Variants in CUX2 observed in about 807,000 individuals in gnomAD.
CUX2 encodes homeobox protein cut-like 2.
A neutral mutation model predicts 144.8 loss-of-function variants in CUX2; 40 were observed. The observed-to-expected ratio is 0.28, with a 90% CI of 0.21 to 0.36. The LOEUF is 0.36. Ranked by LOEUF, CUX2 falls within the 10% of genes least tolerant of loss-of-function variation. The pLI, the probability that CUX2 is intolerant of heterozygous loss-of-function variation, is 1.00. For missense variants in CUX2, 1,615 were observed against 1,994.0 expected, an observed-to-expected ratio of 0.81 and a Z score of 3.62; for synonymous variants, 827 against 875.6, an observed-to-expected ratio of 0.94 and a Z score of 0.98.
At chr12:111,129,795 C>T (rs575634889) in intron 1 of CUX2, among the ~76,000 whole-genome samples, 3 of 152,246 alleles carry the variant, frequency 2.0e-5, no homozygotes, top group Non-Finnish European at 4.4e-5. Flanking sequence ...ATAGCACTCA[C>T]TCCACAGGTC....
At chr12:111,177,516 G>A (rs921972150) in intron 1 of CUX2, among the ~76,000 whole-genome samples, 5 of 152,096 alleles carry the variant, frequency 3.3e-5, no homozygotes, top group Non-Finnish European at 7.3e-5. Context: ...TCAGCCTCCC[G>A]AATAGCTGGG....
Position 111,042,142 on chromosome 12 carries a change from T to A in CUX2, c.63+7902T>A, listed in dbSNP as rs185105916. 2.6e-5 allele frequency among the ~76,000 whole-genome samples: 4 copies of A among 152,342 alleles called. No homozygotes were observed. The East Asian group carries it at 7.7e-4, about 29-fold the overall frequency. Reference sequence around the variant, plus strand: ...GAGCTGGTCGTCTGCCCAGAGACGCTGGGGGGCCCAACGGTGCTTAAGACT... The same window carrying A: ...GAGCTGGTCGTCTGCCCAGAGACGCAGGGGGGCCCAACGGTGCTTAAGACT... On this transcript the variant is annotated intron_variant, in intron 1 of 21. Transcript: ENST00000261726.
chr12:111,148,471 G>T (rs1876837052), intron 1 of CUX2, among the ~76,000 whole-genome samples: 1 of 152,170 alleles, frequency 6.6e-6, no homozygotes, highest in South Asian at 2.1e-4. Flanking sequence ...ACAATTATGT[G>T]AATGTATTTA....
chr12:111,164,739 T>G (rs1242202801), intron 1 of CUX2, among the ~76,000 whole-genome samples: 1 of 152,068 alleles, frequency 6.6e-6, no homozygotes. Flanking sequence ...CAGAGGAATG[T>G]TAGGGGTCCC....
chr12:111,034,236 T>G lies in CUX2; in HGVS notation c.59T>G (p.Leu20Arg), dbSNP rs745571459. ...QYWKRFDLRRLQKELNSVASE... is the reference protein window; with the variant it reads ...QYWKRFDLRRRQKELNSVASE... ...TGGAAGCGATTTGATCTACGGCGACTCCAGGTTAGTGCGGGCAGCGCCGGC... is the reference window on the plus strand; with the variant it reads ...TGGAAGCGATTTGATCTACGGCGACGCCAGGTTAGTGCGGGCAGCGCCGGC... Residue 20 changes from leucine (L) to arginine (R), a missense_variant, in exon 1 of 22, where the codon CTC (leucine) becomes CGC (arginine). Transcript: ENST00000261726. This position sits in a 1 kb window ranked among gnomAD's most constrained non-coding sequence, Gnocchi z 4.2. The G allele has an allele frequency of 7.2e-7, 1 of 1,386,714 alleles. No individual in the cohort carries two copies. Among genetic ancestry groups the G allele is most frequent in the Admixed American group, 2.0e-5 (1 of 49,912 alleles). The allele number at this position is 1,386,714 out of a possible 1,614,324, so 85.9% of individuals were successfully genotyped here.
At chr12:111,251,133 G>A (rs1011720003) in intron 3 of CUX2, among the ~76,000 whole-genome samples, 1 of 152,150 alleles carries the variant, frequency 6.6e-6, no homozygotes, top group African/African-American at 2.4e-5. Context: ...AAAAGCCCTG[G>A]CTTATACAAT....
intron 1 of CUX2, among the ~76,000 whole-genome samples, chr12:111,109,123 T>C (rs1215912234): frequency 6.6e-6 from 1 of 152,206 alleles, no homozygotes; most frequent in African/African-American, 2.4e-5. Flanking sequence ...CTGATAATCA[T>C]TGCCTGGGTC....
At chr12:111,225,031 G>A (rs562503310) in intron 3 of CUX2, among the ~76,000 whole-genome samples, 2 of 152,016 alleles carry the variant, frequency 1.3e-5, no homozygotes, top group East Asian at 1.9e-4. Flanking sequence ...TCAGCCTCCC[G>A]AGTAGCTGGG....
chr12:111,177,246 G>C (rs936703560), intron 1 of CUX2, among the ~76,000 whole-genome samples: 2 of 152,118 alleles, frequency 1.3e-5, no homozygotes, highest in Non-Finnish European at 2.9e-5. Context: ...ACCTTGTTGA[G>C]AGCCTGAGAC....
chr12:111,338,970 C>A (rs1023573757), intron 20 of CUX2, among the ~76,000 whole-genome samples: 1 of 152,120 alleles, frequency 6.6e-6, no homozygotes, highest in African/African-American at 2.4e-5. Flanking sequence ...CAGTGGCTCA[C>A]GCCTGTAATC....
intron 1 of CUX2, among the ~76,000 whole-genome samples, chr12:111,069,462 G>A (rs1187675245): frequency 1.4e-5 from 2 of 146,982 alleles, no homozygotes; most frequent in South Asian, 2.1e-4. Flanking sequence ...TCACCTCTCT[G>A]TAAACCCTCA....
chr12:111,041,623 C>T (rs1869746124), intron 1 of CUX2, among the ~76,000 whole-genome samples: 1 of 152,196 alleles, frequency 6.6e-6, no homozygotes, highest in South Asian at 2.1e-4. Context: ...ATCTAGGTGA[C>T]CAGTGTCCCC....
At position 111,166,947 on chromosome 12, in the gene CUX2, C is replaced by T. The variant is rs575834233; in HGVS notation, c.64-47253C>T. ...GGCTGCTGGCTGCCACGTGGAGTGC[C>T]GTTTGGAGGCGGTGGGAATTATTCG... On this transcript the variant is annotated intron_variant, in intron 1 of 21. Transcript: ENST00000261726. Among the ~76,000 whole-genome samples the T allele has an allele frequency of 2.6e-5, 4 of 152,232 alleles. No homozygotes were observed. In the South Asian group the frequency reaches 8.3e-4, roughly 32 times the overall value.
chr12:111,275,169 G>A (rs1884805789), intron 4 of CUX2, among the ~76,000 whole-genome samples: 1 of 152,162 alleles, frequency 6.6e-6, no homozygotes, highest in Admixed American at 6.5e-5. Flanking sequence ...GTGCCCCAGA[G>A]CAGGTTGATG....
At chr12:111,073,547 G>A (rs1005322830) in intron 1 of CUX2, among the ~76,000 whole-genome samples, 5 of 152,096 alleles carry the variant, frequency 3.3e-5, no homozygotes, top group African/African-American at 9.7e-5. Flanking sequence ...CACCATTGAT[G>A]TTTGGGGCCA....
intron 1 of CUX2, among the ~76,000 whole-genome samples, chr12:111,170,534 C>T (rs369974179): frequency 6.7e-6 from 1 of 149,602 alleles, no homozygotes; most frequent in East Asian, 2.0e-4. Context: ...GGATGCACAC[C>T]CCCAGCTCTT....
At position 111,338,404 on chromosome 12, in the gene CUX2, C is replaced by G; in HGVS notation, c.3315C>G (p.Arg1105=). The G allele has an allele frequency of 6.2e-7, 1 of 1,614,154 alleles. No individual in the cohort carries two copies. The highest frequency in any genetic ancestry group is 1.1e-5 in the South Asian group (1 of 91,076). ...TGAAGGGGCGGGAGCCTTTTGTCCG[C>G]ATGCAGCTGTGGCTCAATGACCCCC... ...LSLKGREPFV[R]MQLWLNDPHN... Residue 1105 remains arginine (R), a synonymous_variant, in exon 20 of 22, where the codon CGC becomes CGG. Transcript: ENST00000261726.
At chr12:111,290,456 C>T (rs1009526950) in intron 4 of CUX2, among the ~76,000 whole-genome samples, 14 of 152,114 alleles carry the variant, frequency 9.2e-5, no homozygotes, top group African/African-American at 3.4e-4. Context: ...GAGATGGAGC[C>T]TTACTCTGTC....
intron 21 of CUX2, among the ~76,000 whole-genome samples, chr12:111,346,134 A>G (rs1438731466): frequency 6.9e-6 from 1 of 144,088 alleles, no homozygotes; most frequent in Non-Finnish European, 1.5e-5. Context: ...CACGAAAAAG[A>G]AAAAAAAGGC....
Sources: allele counts gnomAD v4.1 joint callset (sites outside exome capture counted in the v4.1 genomes callset), GRCh38; gene constraint gnomAD v4.1.1; non-coding constraint Gnocchi (gnomAD v3.1); transcripts MANE v1.5; gene names NCBI Gene and HGNC (gene_info 2026-07-23, HGNC 2026-07-21).